Variants in CSMD1 observed in about 807,000 individuals in gnomAD.
The protein encoded by CSMD1 is CUB and Sushi multiple domains 1, also known as CUB and sushi domain-containing protein 1.
CSMD1 carries 213 observed loss-of-function variants against 417.5 expected under a neutral mutation model. That is an observed-to-expected ratio of 0.51 (90% CI 0.46 to 0.57). The LOEUF (loss-of-function observed/expected upper bound fraction) is 0.57. Among genes scored for constraint, CSMD1 ranks in the 20% least tolerant of loss-of-function variants. CSMD1 has a pLI of 0.00. For synonymous variants in CSMD1, 2,862 were observed against 1,736.8 expected (o/e 1.65, Z -16.11); for missense variants, 6,923 against 4,529.7 (o/e 1.53, Z -15.17).
chr8:4,177,629 A>G (rs1310084381), intron 3 of CSMD1, among the ~76,000 whole-genome samples: 2 of 146,958 alleles, frequency 1.4e-5, no homozygotes, highest in African/African-American at 5.0e-5. Flanking sequence ...CAAAAAATTA[A>G]TGAATCCAGG....
intron 30 of CSMD1, among the ~76,000 whole-genome samples, chr8:3,213,826 CTGTGTATGTGTGTG>C (rs1797743352): frequency 6.8e-6 from 1 of 146,846 alleles, no homozygotes; most frequent in South Asian, 2.2e-4. Context: ...ATATGTGTGT[CTGTGTATGTGTGTG>C]TGTGTATATA....
intron 47 of CSMD1, among the ~76,000 whole-genome samples, chr8:3,094,800 CAAAAAAA>C (rs33991879): frequency 9.5e-6 from 1 of 105,408 alleles, no homozygotes; most frequent in Non-Finnish European, 1.9e-5. Flanking sequence ...GCCCGTCTTA[CAAAAAAA>C]AAAAAAAAAA....
intron 3 of CSMD1, among the ~76,000 whole-genome samples, chr8:4,397,895 C>A (rs1804365753): frequency 6.6e-6 from 1 of 152,118 alleles, no homozygotes; most frequent in Non-Finnish European, 1.5e-5. Flanking sequence ...CTAATGGCTC[C>A]AATTGTCACA....
At chr8:4,398,801 G>C (rs2128927933) in intron 3 of CSMD1, among the ~76,000 whole-genome samples, 1 of 152,296 alleles carries the variant, frequency 6.6e-6, no homozygotes, top group Middle Eastern at 3.4e-3. Flanking sequence ...ACCTATGAAT[G>C]ACCCTATCTT....
chr8:4,186,899 G>T (rs527498383), intron 3 of CSMD1, among the ~76,000 whole-genome samples: 2 of 151,894 alleles, frequency 1.3e-5, no homozygotes, highest in Non-Finnish European at 2.9e-5. Context: ...GGGAGGCTGA[G>T]GCAGGAGAAT....
intron 3 of CSMD1, among the ~76,000 whole-genome samples, chr8:4,305,393 C>T (rs181993665): frequency 9.9e-5 from 15 of 152,176 alleles, no homozygotes; most frequent in Non-Finnish European, 1.6e-4. Flanking sequence ...AAGAGATTTG[C>T]TGAGGGTTCC....
chr8:3,736,462 C>A (rs906935344), intron 6 of CSMD1, among the ~76,000 whole-genome samples: 22 of 152,052 alleles, frequency 1.4e-4, no homozygotes, highest in African/African-American at 5.3e-4. Flanking sequence ...CCAGGCTTGT[C>A]TCGAAATCTT....
At chr8:4,131,826 G>A (rs538483812) in intron 3 of CSMD1, among the ~76,000 whole-genome samples, 2 of 137,760 alleles carry the variant, frequency 1.5e-5, no homozygotes, top group South Asian at 2.3e-4. Flanking sequence ...GCAGTGGTGC[G>A]ATCCCGGCTC....
At chr8:4,976,093 A>C (rs1248649882) in intron 1 of CSMD1, among the ~76,000 whole-genome samples, 1 of 152,172 alleles carries the variant, frequency 6.6e-6, no homozygotes, top group Admixed American at 6.5e-5. Flanking sequence ...GTTCTCACCT[A>C]TTACTGGGAT....
chr8:3,406,466 A>G (rs1812348644), intron 14 of CSMD1, among the ~76,000 whole-genome samples: 1 of 152,168 alleles, frequency 6.6e-6, no homozygotes, highest in Non-Finnish European at 1.5e-5. Flanking sequence ...TTAGGGTTTG[A>G]AAAGCACTTT....
At chr8:4,153,744 G>C (rs1179218268) in intron 3 of CSMD1, among the ~76,000 whole-genome samples, 3 of 152,192 alleles carry the variant, frequency 2.0e-5, no homozygotes, top group Non-Finnish European at 4.4e-5. Context: ...CACGGTTTCA[G>C]TGTGGTGACC....
chr8:3,577,530 C>T (rs979276771), intron 9 of CSMD1, among the ~76,000 whole-genome samples: 1 of 152,072 alleles, frequency 6.6e-6, no homozygotes, highest in African/African-American at 2.4e-5. Context: ...TGGGAATATT[C>T]AGACCAGAGA....
intron 49 of CSMD1, among the ~76,000 whole-genome samples, chr8:3,066,086 G>C (rs1314986999): frequency 6.6e-6 from 1 of 152,178 alleles, no homozygotes; most frequent in Non-Finnish European, 1.5e-5. Flanking sequence ...TTGGCAATTA[G>C]AGAAATTGCC....
intron 8 of CSMD1, among the ~76,000 whole-genome samples, chr8:3,593,186 T>C (rs185845306): frequency 7.2e-5 from 11 of 152,350 alleles, no homozygotes; most frequent in African/African-American, 2.4e-4. Flanking sequence ...CAGTGTCATG[T>C]TTCCCCACCA....
At chr8:2,952,889 G>A (rs933258856) in intron 65 of CSMD1, among the ~76,000 whole-genome samples, 2 of 152,096 alleles carry the variant, frequency 1.3e-5, no homozygotes, top group African/African-American at 2.4e-5. Context: ...TCATCTTTCT[G>A]GGTCTTTATA....
chr8:4,177,927 G>C (rs934464419), intron 3 of CSMD1, among the ~76,000 whole-genome samples: 2 of 151,822 alleles, frequency 1.3e-5, no homozygotes, highest in Non-Finnish European at 2.9e-5. Context: ...CTGAAATTGT[G>C]GCAACAATCA....
intron 21 of CSMD1, 64 bp from the exon 22 acceptor site, chr8:3,348,225 A>G (rs1808144590): frequency 7.8e-7 from 1 of 1,276,692 alleles, no homozygotes; most frequent in Non-Finnish European, 1.1e-6. Context: ...TTAACAGATT[A>G]AAAACTTTAA....
intron 3 of CSMD1, among the ~76,000 whole-genome samples, chr8:4,333,078 C>G (rs1033541876): frequency 6.6e-6 from 1 of 152,032 alleles, no homozygotes; most frequent in Admixed American, 6.6e-5. Context: ...AGAAATACTA[C>G]TTTTTTCAGG....
At chr8:3,533,257 A>G (rs1218286035) in intron 10 of CSMD1, among the ~76,000 whole-genome samples, 2 of 152,248 alleles carry the variant, frequency 1.3e-5, no homozygotes, top group African/African-American at 2.4e-5. Context: ...GATAGATTAC[A>G]TGACATCTAC....
Sources: allele counts gnomAD v4.1 joint callset (sites outside exome capture counted in the v4.1 genomes callset), GRCh38; gene constraint gnomAD v4.1.1; transcripts MANE v1.5; gene names NCBI Gene and HGNC (gene_info 2026-07-23, HGNC 2026-07-21).